SLC25A24: variants seen among roughly 807,000 people sequenced by gnomAD.
SLC25A24 encodes the protein mitochondrial adenyl nucleotide antiporter SLC25A24.
SLC25A24 carries 49 observed loss-of-function variants against 60.7 expected under a neutral mutation model. That is an observed-to-expected ratio of 0.81 (90% CI 0.64 to 1.02). The LOEUF is 1.02. SLC25A24 is among the 50% of genes least tolerant of loss of function. SLC25A24 has a pLI of 0.00. For missense variants in SLC25A24, 564 were observed against 586.3 expected (o/e 0.96, Z 0.39); for synonymous variants, 202 against 200.6 (o/e 1.01, Z -0.06).
Position 108,134,629 on chromosome 1 carries a change from C to G in SLC25A24, c.*2024G>C, listed in dbSNP as rs960317356. On this transcript the variant is annotated 3_prime_UTR_variant, in exon 10 of 10. Coordinates refer to ENST00000565488, the MANE Select transcript of SLC25A24 (RefSeq NM_013386.5). ...ACAGACAATATCTACAAGGGCTGCT[C>G]AGGAAAGGCCAAAATGTTTGGAAAG... 1 of 152,080 alleles carries G rather than the reference C, an allele frequency of 6.6e-6. No individual in the cohort carries two copies. The highest frequency in any genetic ancestry group is 1.5e-5 in the Non-Finnish European group (1 of 68,038). The allele number at this position is 152,080 out of a possible 1,614,324, so 9.4% of individuals were successfully genotyped here.
intron 7 of SLC25A24, among the ~76,000 whole-genome samples, chr1:108,147,296 C>A (rs543786253): frequency 6.6e-6 from 1 of 152,126 alleles, no homozygotes; most frequent in South Asian, 2.1e-4. Context: ...CTATTTGATT[C>A]TCCTCTGTTT....
intron 4 of SLC25A24, 29 bp from the exon 5 acceptor site, chr1:108,157,649 C>G: frequency 6.3e-7 from 1 of 1,596,884 alleles, no homozygotes. Flanking sequence ...GATCCCCATG[C>G]GCCTTAGTTA....
chr1:108,183,797 T>C (rs1243698624), intron 2 of SLC25A24, among the ~76,000 whole-genome samples: 4 of 152,166 alleles, frequency 2.6e-5, no homozygotes, highest in Admixed American at 6.5e-5. Context: ...TGCTAGTTAA[T>C]AGTATGAGAG....
chr1:108,138,398 G>C (rs1447157160), intron 9 of SLC25A24, among the ~76,000 whole-genome samples: 1 of 152,134 alleles, frequency 6.6e-6, no homozygotes, highest in African/African-American at 2.4e-5. Context: ...AGACTGACCA[G>C]GGAAAGCATC....
chr1:108,199,605 T>G (rs529033624), intron 1 of SLC25A24: 1 of 410,112 alleles, frequency 2.4e-6, no homozygotes, highest in African/African-American at 2.1e-5. Context: ...GTCTGACAGC[T>G]AAAACGGATT....
At chr1:108,162,204 T>C (rs1474381456) in intron 3 of SLC25A24, among the ~76,000 whole-genome samples, 1 of 151,828 alleles carries the variant, frequency 6.6e-6, no homozygotes, top group East Asian at 1.9e-4. Context: ...TGTTGGACAT[T>C]TGGCTTGGTT....
chr1:108,179,379 C>T (rs985180640), intron 3 of SLC25A24, among the ~76,000 whole-genome samples: 3 of 152,016 alleles, frequency 2.0e-5, no homozygotes, highest in Admixed American at 6.6e-5. Context: ...CCTGCAATCC[C>T]ACCACTGTAT....
rs371120239 is a variant in SLC25A24 at position 108,139,225 on chromosome 1, G to A, written c.1099-17C>T. The A allele has an allele frequency of 8.2e-6, 13 of 1,578,528 alleles. No homozygotes were observed. The highest frequency in any genetic ancestry group is 1.0e-5 in the Non-Finnish European group (12 of 1,165,262). On this transcript the variant is annotated splice_polypyrimidine_tract_variant and intron_variant, in intron 8 of 9. Transcript: ENST00000565488. ...CTTCAAGAGCTGCCAGAGAAATAAA[G>A]AAGAAAATAATTAACGAACTCTACA... is the stretch of plus-strand genomic sequence containing the variant.
chr1:108,185,442 C>CA (rs1648087114), intron 2 of SLC25A24, among the ~76,000 whole-genome samples: 1 of 152,082 alleles, frequency 6.6e-6, no homozygotes. Context: ...TTAGATGACA[C>CA]AACTGTCATT....
intron 1 of SLC25A24, among the ~76,000 whole-genome samples, chr1:108,196,416 C>T (rs1437486555): frequency 1.3e-5 from 2 of 152,154 alleles, no homozygotes. Flanking sequence ...GTCCAGGATG[C>T]AGGCAAGATA....
chr1:108,154,968 G>A lies in SLC25A24; in HGVS notation c.822+15C>T, dbSNP rs1679854788. The A allele has an allele frequency of 6.3e-7, 1 of 1,587,712 alleles. No homozygotes were observed. Among genetic ancestry groups the A allele is most frequent in the Non-Finnish European group, 8.6e-7 (1 of 1,163,200 alleles). ...CTCCTCTTTGTTAATAAATTCCACG[G>A]GTGATAACAATTACCTGTTCATATG... On this transcript the variant is annotated intron_variant, in intron 6 of 9. Coordinates refer to ENST00000565488, the MANE Select transcript of SLC25A24 (RefSeq NM_013386.5).
chr1:108,198,780 C>G (rs767785769), intron 1 of SLC25A24: 7 of 152,208 alleles, frequency 4.6e-5, no homozygotes, highest in Non-Finnish European at 7.3e-5. Context: ...TTGACTTCCA[C>G]TCTCTAGCCT....
At chr1:108,138,745 C>G (rs1679359127) in intron 9 of SLC25A24, among the ~76,000 whole-genome samples, 1 of 152,150 alleles carries the variant, frequency 6.6e-6, no homozygotes, top group Non-Finnish European at 1.5e-5. Flanking sequence ...GAACCCAAAT[C>G]CATCAGATAC....
chr1:108,148,292 A>G lies in SLC25A24; in HGVS notation c.917T>C (p.Ile306Thr). 2 of 1,600,776 alleles carry G rather than the reference A, an allele frequency of 1.2e-6. No individual in the cohort carries two copies. The highest frequency in any genetic ancestry group is 8.6e-7 in the Non-Finnish European group (1 of 1,167,786). Residue 306 changes from isoleucine (I) to threonine (T), a missense_variant, in exon 7 of 10, where the codon ATA becomes ACA. Transcript: ENST00000565488. Reference protein sequence around the residue: ...SMAGATAQTFIYPMEVMKTRL... With the variant: ...SMAGATAQTFTYPMEVMKTRL... ...AATGGTACTCACCTCCATTGGATAT[A>G]TAAAAGTCTGTGCAGTTGCTCCAGC...
chr1:108,157,530 C>G lies in SLC25A24; in HGVS notation c.601G>C (p.Gly201Arg). Residue 201 changes from glycine to arginine, a missense_variant, in exon 5 of 10, where the codon GGA (glycine) becomes CGA (arginine). Gly to Arg is a moderately radical substitution (Grantham distance 125). Transcript: ENST00000565488. ...CGAGAGACAGCACCAGCAATGCCTC[C>G]TGCCAAAAGCTGCCTCCACCATTGT... ...SGQWWRQLLA[G>R]GIAGAVSRTS... 2.5e-6 allele frequency: 4 copies of G among 1,614,190 alleles called. No homozygotes were observed. Among genetic ancestry groups the G allele is most frequent in the Non-Finnish European group, 3.4e-6 (4 of 1,180,036 alleles).
rs139387280 is a variant in SLC25A24, at chr1:108,145,107, T to C, written c.931-1397A>G. On this transcript the variant is annotated intron_variant, in intron 7 of 9. Transcript: ENST00000565488. ...GCCAGCATCTGTTGTTTCCTGACTT[T>C]TTAACTAACTGGCGTGAGATGGTAT... Among the ~76,000 whole-genome samples, 222 of 152,038 alleles carry C rather than the reference T, an allele frequency of 1.5e-3. 1 individual carries two copies. The highest frequency in any genetic ancestry group is 2.4e-3 in the Non-Finnish European group (166 of 67,866).
chr1:108,164,552 T>C (rs1223496732), intron 3 of SLC25A24, among the ~76,000 whole-genome samples: 1 of 151,670 alleles, frequency 6.6e-6, no homozygotes, highest in Non-Finnish European at 1.5e-5. Flanking sequence ...TTTATCCATT[T>C]CTTCTAGATT....
intron 6 of SLC25A24, among the ~76,000 whole-genome samples, chr1:108,152,414 T>C (rs1176237693): frequency 1.3e-5 from 2 of 152,164 alleles, no homozygotes; most frequent in African/African-American, 4.8e-5. Flanking sequence ...TCACCCAGGC[T>C]AGATTGCAAT....
intron 6 of SLC25A24, among the ~76,000 whole-genome samples, chr1:108,154,631 T>TA (rs11421338): frequency 0.51 from 76,912 of 151,990 alleles, 20,022 homozygotes; most frequent in African/African-American, 0.63. Context: ...CTTCAACTTA[T>TA]AGTTTTCCTT....
Sources: gnomAD v4.1 joint callset for allele counts (sites outside exome capture counted in the v4.1 genomes callset) on GRCh38, gnomAD v4.1.1 for gene constraint, MANE v1.5 for transcripts, NCBI Gene and HGNC (gene_info 2026-07-23, HGNC 2026-07-21) for gene names.